Variants in GOPC observed in about 807,000 individuals in gnomAD.
GOPC encodes the protein Golgi-associated PDZ and coiled-coil motif-containing protein.
A neutral mutation model predicts 51.2 loss-of-function variants in GOPC; 32 were observed. That is an observed-to-expected ratio of 0.63 (90% CI 0.47 to 0.84). GOPC has a LOEUF of 0.84. Ranked by LOEUF, GOPC falls within the 40% of genes least tolerant of loss-of-function variation. GOPC has a pLI of 0.00. For missense variants in GOPC, 441 were observed against 555.5 expected (o/e 0.79, Z 2.07); for synonymous variants, 190 against 205.1 (o/e 0.93, Z 0.63).
chr6:117,602,384 G>T lies in GOPC; in HGVS notation c.-96C>A. On this transcript the variant is annotated 5_prime_UTR_variant, in exon 1 of 9. Transcript: ENST00000368498. ...GACTGAGGGGACCCCCGCGCGCGCG[G>T]GCACACTCCGTCACCTCCCTTCACC... 8.1e-7 allele frequency: 1 copy of T among 1,238,050 alleles called. No homozygotes were observed. Among genetic ancestry groups the T allele is most frequent in the Non-Finnish European group, 1.1e-6 (1 of 918,520 alleles). The allele number at this position is 1,238,050 out of a possible 1,614,324, so 76.7% of individuals were successfully genotyped here. A position where few individuals can be genotyped will look rare whatever the true frequency, so the allele number is the denominator to read the frequency against.
chr6:117,564,769 T>C (rs1177127165), intron 8 of GOPC, among the ~76,000 whole-genome samples: 4 of 152,150 alleles, frequency 2.6e-5, no homozygotes, highest in Admixed American at 2.6e-4. Flanking sequence ...AAGTGTGAAA[T>C]ACAATGAAAC....
Position 117,585,126 on chromosome 6 carries a change from A to G in GOPC, c.286-6062T>C, listed in dbSNP as rs75043896. Among the ~76,000 whole-genome samples, 1,135 of 152,276 alleles carry G rather than the reference A, an allele frequency of 7.5e-3. 36 individuals carry two copies. The highest frequency in any genetic ancestry group is 0.046 in the East Asian group (238 of 5,184). On this transcript the variant is annotated intron_variant, in intron 1 of 8. Transcript: ENST00000368498. ...TTTAAATACTGGCTACTGGTGATCA[A>G]CTTAATTCTAAGCCTCCTTCACTCT...
intron 1 of GOPC, among the ~76,000 whole-genome samples, chr6:117,590,800 T>C (rs959760525): frequency 3.9e-5 from 6 of 152,006 alleles, no homozygotes; most frequent in African/African-American, 7.2e-5. Context: ...AATAACTAGA[T>C]CAAAATGATT....
chr6:117,574,956 G>A (rs147865223), intron 4 of GOPC, among the ~76,000 whole-genome samples: 99 of 152,222 alleles, frequency 6.5e-4, no homozygotes, highest in African/African-American at 2.2e-3. Flanking sequence ...GCAGGCACCT[G>A]TAATCCCAGC....
Position 117,602,391 on chromosome 6 carries a change from T to G in GOPC, c.-103A>C. 2 of 1,095,054 alleles carry G rather than the reference T, an allele frequency of 1.8e-6. No individual in the cohort carries two copies. Among genetic ancestry groups the G allele is most frequent in the Non-Finnish European group, 2.5e-6 (2 of 788,876 alleles). 67.8% of individuals were successfully genotyped at this position (1,095,054 alleles called of 1,614,324 possible). ...GGGACCCCCGCGCGCGCGGGCACACTCCGTCACCTCCCTTCACCTCGCGCC... is the reference window on the plus strand; with the variant it reads ...GGGACCCCCGCGCGCGCGGGCACACGCCGTCACCTCCCTTCACCTCGCGCC... On this transcript the variant is annotated 5_prime_UTR_variant, in exon 1 of 9. Coordinates refer to ENST00000368498, the MANE Select transcript of GOPC (RefSeq NM_020399.4).
chr6:117,600,925 T>C (rs940319991), intron 1 of GOPC, among the ~76,000 whole-genome samples: 5 of 152,246 alleles, frequency 3.3e-5, no homozygotes, highest in African/African-American at 1.2e-4. Flanking sequence ...AGATTAATTA[T>C]GCCACATATT....
chr6:117,569,454 A>C lies in GOPC; in HGVS notation c.1077+118T>G, dbSNP rs958052461. On this transcript the variant is annotated intron_variant, in intron 7 of 8. Coordinates refer to ENST00000368498, the MANE Select transcript of GOPC (RefSeq NM_020399.4). The stretch of plus-strand genomic sequence containing the variant: ...GCTATAAAAGCATTAAATCAAAGGA[A>C]ACAAGAACTATGTGTAAACACTTTA... The C allele has an allele frequency of 3.7e-6, 5 of 1,338,306 alleles. No homozygotes were observed. The African/African-American group carries it at 6.2e-5, about 17-fold the overall frequency. The allele number at this position is 1,338,306 out of a possible 1,614,324, so 82.9% of individuals were successfully genotyped here.
At chr6:117,563,458 A>G in intron 8 of GOPC, 74 bp from the exon 9 acceptor site, 1 of 1,429,694 alleles carries the variant, frequency 7.0e-7, no homozygotes, top group Non-Finnish European at 9.7e-7. Flanking sequence ...GCAGTGGCTC[A>G]TACCTGTAAT....
intron 8 of GOPC, among the ~76,000 whole-genome samples, chr6:117,565,418 C>T (rs576857593): frequency 6.6e-6 from 1 of 152,238 alleles, no homozygotes; most frequent in Admixed American, 6.5e-5. Context: ...AATTTGAAAC[C>T]TTATCAGTGA....
chr6:117,592,011 C>T (rs1225825686), intron 1 of GOPC, among the ~76,000 whole-genome samples: 1 of 152,178 alleles, frequency 6.6e-6, no homozygotes, highest in Non-Finnish European at 1.5e-5. Context: ...CCTGCTCCTC[C>T]TTTTCCTGTA....
chr6:117,570,851 A>G lies in GOPC; in HGVS notation c.912+9T>C, dbSNP rs939043261. 3.6e-6 allele frequency: 5 copies of G among 1,385,252 alleles called. No individual in the cohort carries two copies. Among genetic ancestry groups the G allele is most frequent in the African/African-American group, 1.4e-5 (1 of 69,754 alleles). 85.8% of individuals were successfully genotyped at this position (1,385,252 alleles called of 1,614,324 possible). On this transcript the variant is annotated intron_variant, in intron 6 of 8. Transcript: ENST00000368498. Reference sequence around the variant, plus strand: ...TGTAGAAAATGATACTGGAAGTACTACTTCTTACTGTAATTGAAATGCCAA... The same window carrying G: ...TGTAGAAAATGATACTGGAAGTACTGCTTCTTACTGTAATTGAAATGCCAA...
At chr6:117,588,913 C>A (rs1197069965) in intron 1 of GOPC, among the ~76,000 whole-genome samples, 1 of 151,802 alleles carries the variant, frequency 6.6e-6, no homozygotes, top group African/African-American at 2.4e-5. Flanking sequence ...CTTAGACCTT[C>A]TGAAAAAAGG....
In GOPC at chr6:117,602,233, G is replaced by T. The variant is rs374206862; in HGVS notation, c.56C>A (p.Ser19Tyr). The T allele has an allele frequency of 1.9e-6, 3 of 1,604,420 alleles. No homozygotes were observed. Among genetic ancestry groups the T allele is most frequent in the African/African-American group, 2.7e-5 (2 of 75,042 alleles). The stretch of plus-strand genomic sequence containing the variant: ...CCCGCCAGGGGCCCCCACGGAGCAG[G>T]AGGCGCCCCCTGGGCCCCCTCCGGC... ...AAAGGGPGGASCSVGAPGGVS... is the reference protein window; with the variant it reads ...AAAGGGPGGAYCSVGAPGGVS... The change falls in exon 1 of 9, where the codon TCC becomes TAC. Residue 19 changes from serine (S) to tyrosine (Y), a missense_variant. By Grantham distance (144) the Ser-to-Tyr change is moderately radical. Transcript: ENST00000368498.
At chr6:117,582,546 C>T (rs552794629) in intron 1 of GOPC, among the ~76,000 whole-genome samples, 1 of 151,666 alleles carries the variant, frequency 6.6e-6, no homozygotes, top group African/African-American at 2.4e-5. Context: ...ACCCCAGACT[C>T]AGCCAGTAGA....
intron 1 of GOPC, among the ~76,000 whole-genome samples, chr6:117,586,475 CTTTTTTTTTTTTT>C (rs869148559): frequency 1.1e-5 from 1 of 91,930 alleles, no homozygotes; most frequent in Non-Finnish European, 2.1e-5. Context: ...CACAGAGATT[CTTTTTTTTTTTTT>C]TTTTTTTTTT....
rs1410733673 is a variant in GOPC at position 117,564,395 on chromosome 6, CTTCAG to C, written c.1259-1016_1259-1012del. 3.9e-5 allele frequency among the ~76,000 whole-genome samples: 6 copies of C among 152,126 alleles called. No individual in the cohort carries two copies. In the East Asian group the frequency reaches 1.2e-3, roughly 29 times the overall value. ...CATTGTTGCTTTCATATTACATTAA[CTTCAG>C]TTAACTGAGGCATATACTAGTTAAT... On this transcript the variant is annotated intron_variant, in intron 8 of 8. Coordinates refer to ENST00000368498, the MANE Select transcript of GOPC (RefSeq NM_020399.4).
At chr6:117,586,766 C>G (rs1191000409) in intron 1 of GOPC, among the ~76,000 whole-genome samples, 1 of 152,130 alleles carries the variant, frequency 6.6e-6, no homozygotes, top group African/African-American at 2.4e-5. Context: ...GAGATTCTTA[C>G]ATAAAAGATC....
Position 117,602,349 on chromosome 6 carries a change from G to C in GOPC, c.-61C>G. ...CCTCGCCGCCCCCCGCGCACGAAGGGAACTGCTGGGACTGAGGGGACCCCC... is the reference window on the plus strand; with the variant it reads ...CCTCGCCGCCCCCCGCGCACGAAGGCAACTGCTGGGACTGAGGGGACCCCC... On this transcript the variant is annotated 5_prime_UTR_variant, in exon 1 of 9. Coordinates refer to ENST00000368498, the MANE Select transcript of GOPC (RefSeq NM_020399.4). 1.4e-6 allele frequency: 2 copies of C among 1,477,172 alleles called. No homozygotes were observed. Among genetic ancestry groups the C allele is most frequent in the Non-Finnish European group, 1.8e-6 (2 of 1,119,334 alleles). 91.5% of individuals were successfully genotyped at this position (1,477,172 alleles called of 1,614,324 possible).
chr6:117,566,795 C>T (rs1779705607), intron 8 of GOPC, 59 bp downstream of exon 8: 4 of 1,145,278 alleles, frequency 3.5e-6, no homozygotes, highest in East Asian at 5.5e-5. Context: ...GAGGCCTTCA[C>T]ATTTTAAACA....
Sources: allele counts gnomAD v4.1 joint callset (sites outside exome capture counted in the v4.1 genomes callset), GRCh38; gene constraint gnomAD v4.1.1; transcripts MANE v1.5; gene names NCBI Gene and HGNC (gene_info 2026-07-23, HGNC 2026-07-21).